The following BANK1 variants were observed in gnomAD, a reference collection of about 807,000 sequenced individuals.
BANK1 encodes the protein B-cell scaffold protein with ankyrin repeats.
A neutral mutation model predicts 94.5 loss-of-function variants in BANK1; 95 were observed. The observed-to-expected ratio is 1.00, with a 90% CI of 0.85 to 1.19. The LOEUF is 1.19. Ranked by LOEUF, BANK1 falls within the 50% of genes most tolerant of loss-of-function variation. BANK1 has a pLI of 0.00. For synonymous variants in BANK1, 334 were observed against 308.4 expected, an observed-to-expected ratio of 1.08 and a Z score of -0.87; for missense variants, 987 against 932.2, an observed-to-expected ratio of 1.06 and a Z score of -0.77.
intron 7 of BANK1, among the ~76,000 whole-genome samples, chr4:101,983,608 T>C (rs1463073416): frequency 6.6e-6 from 1 of 152,072 alleles, no homozygotes; most frequent in Non-Finnish European, 1.5e-5. Flanking sequence ...ACTGACCTAT[T>C]TGAAGTGTAG....
intron 5 of BANK1, 54 bp from the exon 6 acceptor site, chr4:101,895,251 G>A (rs775536444): frequency 2.0e-6 from 2 of 1,024,148 alleles, no homozygotes; most frequent in Non-Finnish European, 2.9e-6. Context: ...ACTAAAATGA[G>A]TTTCTATGTA....
At chr4:101,800,584 G>C (rs942078276) in intron 1 of BANK1, among the ~76,000 whole-genome samples, 2 of 152,058 alleles carry the variant, frequency 1.3e-5, no homozygotes, top group African/African-American at 4.8e-5. Flanking sequence ...AGTAGTTACT[G>C]TCACAACTAC....
intron 10 of BANK1, among the ~76,000 whole-genome samples, chr4:102,035,596 C>T (rs1018560894): frequency 2.7e-5 from 4 of 147,118 alleles, no homozygotes; most frequent in Non-Finnish European, 4.4e-5. Flanking sequence ...TGCAGTGATC[C>T]GAGATCGCGC....
At chr4:101,871,111 C>T (rs1189679840) in intron 5 of BANK1, among the ~76,000 whole-genome samples, 2 of 152,214 alleles carry the variant, frequency 1.3e-5, no homozygotes, top group Admixed American at 6.5e-5. Flanking sequence ...CATGTGGACA[C>T]ATCTAAGCTC....
chr4:101,824,014 G>A (rs528071026), intron 1 of BANK1, among the ~76,000 whole-genome samples: 1 of 152,326 alleles, frequency 6.6e-6, no homozygotes, highest in South Asian at 2.1e-4. Context: ...AAGACAATGT[G>A]TGTATTAATA....
chr4:102,021,474 T>A, intron 7 of BANK1, 40 bp from the exon 8 acceptor site: 1 of 889,482 alleles, frequency 1.1e-6, no homozygotes, highest in South Asian at 1.9e-5. Context: ...GCATATTTAT[T>A]AAGATTAATG....
At chr4:102,028,793 G>T (rs1172324906) in intron 9 of BANK1, among the ~76,000 whole-genome samples, 2 of 152,068 alleles carry the variant, frequency 1.3e-5, no homozygotes, top group Non-Finnish European at 2.9e-5. Context: ...CAAAGACTCT[G>T]AAACCTATAA....
chr4:102,013,699 T>C (rs1726596432), intron 7 of BANK1, among the ~76,000 whole-genome samples: 1 of 151,982 alleles, frequency 6.6e-6, no homozygotes, highest in African/African-American at 2.4e-5. Flanking sequence ...AGGAGGTCTT[T>C]TTTTTTAATC....
At chr4:101,872,964 G>T (rs1180374011) in intron 5 of BANK1, among the ~76,000 whole-genome samples, 1 of 151,338 alleles carries the variant, frequency 6.6e-6, no homozygotes, top group Non-Finnish European at 1.5e-5. Flanking sequence ...CTCCAGCCTG[G>T]GTGACAGAAT....
chr4:102,061,479 A>G (rs989173140), intron 12 of BANK1: 1 of 152,238 alleles, frequency 6.6e-6, no homozygotes, highest in African/African-American at 2.4e-5. Context: ...TTCATTGTTC[A>G]TGATCAGAAT....
rs200699925 is a variant in BANK1 at position 101,895,346 on chromosome 4, C to G, written c.945C>G (p.Phe315Leu). The G allele has an allele frequency of 2.6e-4, 411 of 1,594,902 alleles. 2 individuals are homozygous for G. In the East Asian group the frequency reaches 8.6e-3, roughly 34 times the overall value. Residue 315 changes from phenylalanine to leucine, a missense_variant, in exon 6 of 17, where the codon TTC becomes TTG. Transcript: ENST00000322953. Reference protein sequence around the residue: ...EELDGVLTSIFKHEIPYYEFQ... With the variant: ...EELDGVLTSILKHEIPYYEFQ... ...TTGATGGTGTCCTTACATCCATATT[C>G]AAACATGAGATACCATATTATGAGT... is the stretch of plus-strand genomic sequence containing the variant.
intron 7 of BANK1, among the ~76,000 whole-genome samples, chr4:101,936,994 G>A (rs1416048565): frequency 2.6e-5 from 4 of 151,580 alleles, no homozygotes; most frequent in African/African-American, 9.7e-5. Flanking sequence ...AGAGATAACT[G>A]CACTTCCATG....
intron 7 of BANK1, among the ~76,000 whole-genome samples, chr4:101,947,633 T>C (rs1723982317): frequency 6.6e-6 from 1 of 151,758 alleles, no homozygotes; most frequent in African/African-American, 2.4e-5. Flanking sequence ...ATTCAGCCCA[T>C]AAACCAATAA....
chr4:101,914,938 T>A (rs947514170), intron 6 of BANK1, among the ~76,000 whole-genome samples: 26 of 152,086 alleles, frequency 1.7e-4, no homozygotes, highest in African/African-American at 6.3e-4. Context: ...TTGTTTACAG[T>A]TTGAGAGCTG....
rs538832735 is a variant in BANK1 at position 101,939,286 on chromosome 4, G to A, written c.1206+21097G>A. The stretch of plus-strand genomic sequence containing the variant: ...ACTTCTGACTACCTATAACAAGACC[G>A]TCTAAAATGCAAAATTTGTTTCTTA... On this transcript the variant is annotated intron_variant, in intron 7 of 16. Transcript: ENST00000322953. 7.9e-5 allele frequency among the ~76,000 whole-genome samples: 12 copies of A among 151,806 alleles called. No homozygotes were observed. In the South Asian group the frequency reaches 8.3e-4, roughly 10 times the overall value.
At chr4:102,027,870 G>A (rs907170793) in intron 9 of BANK1, among the ~76,000 whole-genome samples, 2 of 152,130 alleles carry the variant, frequency 1.3e-5, no homozygotes, top group African/African-American at 2.4e-5. Flanking sequence ...GTTCCAAGAA[G>A]CCCTATAATT....
At chr4:101,895,264 T>G in intron 5 of BANK1, 41 bp from the exon 6 acceptor site, 1 of 1,174,594 alleles carries the variant, frequency 8.5e-7, no homozygotes. Context: ...TCTATGTAAA[T>G]AATTAACCTA....
chr4:101,996,418 T>C (rs1360114132), intron 7 of BANK1, among the ~76,000 whole-genome samples: 1 of 152,200 alleles, frequency 6.6e-6, no homozygotes, highest in Non-Finnish European at 1.5e-5. Context: ...GGGCTCTTTT[T>C]TGATTTCACA....
intron 7 of BANK1, among the ~76,000 whole-genome samples, chr4:101,941,470 G>A (rs184878802): frequency 2.0e-5 from 3 of 151,860 alleles, no homozygotes; most frequent in Admixed American, 1.3e-4. Context: ...TCAACCTCAG[G>A]CTTACTGGGA....
Sources: gnomAD v4.1 joint callset for allele counts (sites outside exome capture counted in the v4.1 genomes callset) on GRCh38, gnomAD v4.1.1 for gene constraint, MANE v1.5 for transcripts, NCBI Gene and HGNC (gene_info 2026-07-23, HGNC 2026-07-21) for gene names.